DNAH5: variants seen among roughly 807,000 people sequenced by gnomAD.
The protein encoded by DNAH5 is axonemal beta dynein heavy chain 5.
In DNAH5, 372 loss-of-function variants were observed where a neutral mutation model predicts 518.2. The ratio of observed to expected loss-of-function variants is 0.72; its 90% CI spans 0.66 to 0.78. The LOEUF (loss-of-function observed/expected upper bound fraction) is 0.78. Ranked by LOEUF, DNAH5 falls within the 30% of genes least tolerant of loss-of-function variation. The pLI, the probability that DNAH5 is intolerant of heterozygous loss-of-function variation, is 0.00. For missense variants in DNAH5, 5,523 were observed against 5,687.0 expected, an observed-to-expected ratio of 0.97 and a Z score of 0.93; for synonymous variants, 2,039 against 2,025.9, an observed-to-expected ratio of 1.01 and a Z score of -0.17.
chr5:14,011,732 C>T (rs1204718009), exon 1 of DNAH5, among the ~76,000 whole-genome samples: 1 of 152,172 alleles, frequency 6.6e-6, no homozygotes, highest in Non-Finnish European at 1.5e-5. Flanking sequence ...CCGCAGCCGC[C>T]GCGCCCTGCC....
At chr5:13,964,915 G>T (rs1218647057) in intron 1 of DNAH5, among the ~76,000 whole-genome samples, 2 of 152,140 alleles carry the variant, frequency 1.3e-5, no homozygotes, top group Admixed American at 6.5e-5. Flanking sequence ...TGTCCCCTTT[G>T]TACCAGATAG....
In DNAH5 at chr5:13,717,520, C is replaced by G. The variant is rs1237905198; in HGVS notation, c.12500G>C (p.Gly4167Ala). ...CACGTCCAGCAGGTCTTGGCTGACA[C>G]CTGTTGTGGTCAGTTGGGTGAAAAA... ...LRAGLKRTYS[G>A]VSQDLLDVSS... Residue 4167 changes from glycine to alanine, a missense_variant and splice_region_variant, in exon 73 of 79, where the codon GGT becomes GCT. Gly to Ala is a moderately conservative substitution (Grantham distance 60, BLOSUM62 0). Around this residue, in one of 3 missense-constraint regions of DNAH5, gnomAD observed 5,121 missense variants for 5,223.3 expected, o/e 0.98. Transcript: ENST00000265104. 1 of 1,613,766 alleles carries G rather than the reference C, an allele frequency of 6.2e-7. No homozygotes were observed. Among genetic ancestry groups the G allele is most frequent in the Non-Finnish European group, 8.5e-7 (1 of 1,179,724 alleles).
At chr5:13,949,277 G>A (rs1028488773), upstream of DNAH5, among the ~76,000 whole-genome samples, 10 of 152,044 alleles carry the variant, frequency 6.6e-5, no homozygotes, top group African/African-American at 2.4e-4. Context: ...TTATATGCAA[G>A]ACAATAAACA....
chr5:13,811,337 A>C (rs1760674592), intron 44 of DNAH5, among the ~76,000 whole-genome samples: 2 of 152,182 alleles, frequency 1.3e-5, no homozygotes, highest in Admixed American at 1.3e-4. Context: ...TACCCACAAA[A>C]ATTAAAAATT....
chr5:13,922,331 G>A lies in DNAH5; in HGVS notation c.439-3C>T, dbSNP rs781442128. ...TCTAACATGTTAAAACTCACCTCCT[G>A]GAAAACAGGCAGGAGATCTTTTATT... On this transcript the variant is annotated splice_polypyrimidine_tract_variant and splice_region_variant and intron_variant, in intron 4 of 78. Coordinates refer to ENST00000265104, the MANE Select transcript of DNAH5 (RefSeq NM_001369.3). The A allele has an allele frequency of 1.7e-5, 28 of 1,612,192 alleles. No individual in the cohort carries two copies. In the South Asian group the frequency reaches 2.6e-4, roughly 15 times the overall value.
chr5:13,958,819 T>C (rs1005641834), intron 1 of DNAH5, among the ~76,000 whole-genome samples: 1 of 152,318 alleles, frequency 6.6e-6, no homozygotes. Context: ...TACAGTGCCA[T>C]AGATAGTTAA....
chr5:13,823,155 T>G, intron 40 of DNAH5, 108 bp downstream of exon 40: 1 of 816,114 alleles, frequency 1.2e-6, no homozygotes, highest in Non-Finnish European at 2.2e-6. Flanking sequence ...ACTGTTGTTA[T>G]TTTTGCTGCT....
intron 62 of DNAH5, among the ~76,000 whole-genome samples, 184 bp downstream of exon 62, chr5:13,754,019 A>AT (rs925978007): frequency 1.1e-4 from 17 of 151,908 alleles, no homozygotes; most frequent in Admixed American, 3.9e-4. Flanking sequence ...ACACACAGGA[A>AT]TTTTTTTTTA....
At position 13,726,353 on chromosome 5, in the gene DNAH5, G is replaced by A. The variant is rs549254434; in HGVS notation, c.12033+1154C>T. Reference sequence around the variant, plus strand: ...TCTAGTGTGTGCAGAGTAGACTAGAGTATACAAGAAGAAATGTAAGGAGAA... The same window carrying A: ...TCTAGTGTGTGCAGAGTAGACTAGAATATACAAGAAGAAATGTAAGGAGAA... On this transcript the variant is annotated intron_variant, in intron 70 of 78. Coordinates refer to ENST00000265104, the MANE Select transcript of DNAH5 (RefSeq NM_001369.3). 5.3e-5 allele frequency among the ~76,000 whole-genome samples: 8 copies of A among 152,312 alleles called. No homozygotes were observed. The East Asian group carries it at 1.5e-3, about 29-fold the overall frequency.
At chr5:14,000,716 C>T (rs570406458) in intron 1 of DNAH5, among the ~76,000 whole-genome samples, 5 of 152,152 alleles carry the variant, frequency 3.3e-5, no homozygotes, top group African/African-American at 1.2e-4. Flanking sequence ...AGGCCAGCCA[C>T]TGTGGAAAGT....
intron 38 of DNAH5, among the ~76,000 whole-genome samples, chr5:13,824,813 G>A (rs1762687559): frequency 1.3e-5 from 2 of 152,242 alleles, no homozygotes; most frequent in Admixed American, 1.3e-4. Context: ...CTGCGCTTCA[G>A]GATTACCTGA....
chr5:13,826,536 G>A (rs1218760166), intron 38 of DNAH5, among the ~76,000 whole-genome samples: 1 of 152,056 alleles, frequency 6.6e-6, no homozygotes, highest in South Asian at 2.1e-4. Flanking sequence ...TTTATAAGGG[G>A]CTTTTCCCCC....
chr5:13,909,837 A>C (rs781100975), intron 12 of DNAH5, among the ~76,000 whole-genome samples: 2 of 152,230 alleles, frequency 1.3e-5, no homozygotes, highest in African/African-American at 4.8e-5. Context: ...TTCTGTATTC[A>C]TAACCTACAG....
At chr5:13,807,765 A>AT (rs1398122967) in intron 46 of DNAH5, 40 bp from the exon 47 acceptor site, 1 of 1,543,862 alleles carries the variant, frequency 6.5e-7, no homozygotes. Context: ...AATGAAATAA[A>AT]TGAGTGTGAT....
chr5:13,859,274 C>T (rs1768048833), intron 30 of DNAH5, among the ~76,000 whole-genome samples, 178 bp downstream of exon 30: 1 of 152,130 alleles, frequency 6.6e-6, no homozygotes, highest in South Asian at 2.1e-4. Context: ...ATTGTCACCC[C>T]TTTCCTTTCC....
At chr5:13,990,523 A>G (rs1783458387) in intron 1 of DNAH5, among the ~76,000 whole-genome samples, 1 of 151,988 alleles carries the variant, frequency 6.6e-6, no homozygotes, top group African/African-American at 2.4e-5. Flanking sequence ...ACTGCACTCC[A>G]GCCTGGGCGA....
chr5:13,800,186 A>G (rs1758530863), intron 47 of DNAH5, among the ~76,000 whole-genome samples: 1 of 152,176 alleles, frequency 6.6e-6, no homozygotes, highest in Non-Finnish European at 1.5e-5. Context: ...GAGCTTGCCA[A>G]TGCTCAAAAA....
intron 12 of DNAH5, among the ~76,000 whole-genome samples, chr5:13,906,828 C>A (rs1479274124): frequency 1.3e-5 from 2 of 151,962 alleles, no homozygotes; most frequent in Non-Finnish European, 1.5e-5. Context: ...GCAATAGTGA[C>A]CCTTCGTGGA....
Position 13,830,091 on chromosome 5 carries a change from A to AT in DNAH5, c.6183_6184insA (p.Ser2062IlefsTer6). On this transcript the variant is annotated frameshift_variant, in exon 37 of 79. Transcript: ENST00000265104. LOFTEE classifies it high-confidence loss of function. ...TTATCTCCATCAGTAAAGATAAAAG[A>AT]CTTTTTGTGCTCCTTTTTACATGTC... The AT allele has an allele frequency of 6.2e-7, 1 of 1,614,048 alleles. No homozygotes were observed.
Sources: gnomAD v4.1 joint callset for allele counts (sites outside exome capture counted in the v4.1 genomes callset) on GRCh38, gnomAD v4.1.1 for gene constraint, gnomAD v4.1.1 regional missense constraint, MANE v1.5 for transcripts, NCBI Gene and HGNC (gene_info 2026-07-23, HGNC 2026-07-21) for gene names.